Variants in CTIF observed in about 807,000 individuals in gnomAD.
CTIF encodes the protein CBP80/20-dependent translation initiation factor.
Under a neutral mutation model 66.0 loss-of-function variants are expected in CTIF, and 21 were observed. The ratio of observed to expected loss-of-function variants is 0.32; its 90% CI spans 0.23 to 0.46. The LOEUF (loss-of-function observed/expected upper bound fraction) is 0.46. Among genes scored for constraint, CTIF ranks in the 20% least tolerant of loss-of-function variants. The pLI, the probability that CTIF is intolerant of heterozygous loss-of-function variation, is 1.00. For synonymous variants in CTIF, 345 were observed against 326.4 expected (o/e 1.06, Z -0.62); for missense variants, 739 against 812.7 (o/e 0.91, Z 1.10).
At chr18:48,577,630 T>C (rs2089563325) in intron 1 of CTIF, among the ~76,000 whole-genome samples, 1 of 152,224 alleles carries the variant, frequency 6.6e-6, no homozygotes, top group African/African-American at 2.4e-5. Context: ...TGGAGTGCAG[T>C]AGTGCAATCA....
At chr18:48,565,185 C>T (rs1191390879) in intron 1 of CTIF, 1 of 152,190 alleles carries the variant, frequency 6.6e-6, no homozygotes, top group Non-Finnish European at 1.5e-5. Flanking sequence ...GATGTGGAGA[C>T]TTTGCAAGCT....
At chr18:48,737,871 T>C (rs921313677) in intron 7 of CTIF, among the ~76,000 whole-genome samples, 3 of 152,264 alleles carry the variant, frequency 2.0e-5, no homozygotes, top group African/African-American at 7.2e-5. Context: ...AGAAGTTAGA[T>C]TGATACAAAA....
chr18:48,539,676 G>T (rs1384795774), intron 1 of CTIF: 4 of 152,584 alleles, frequency 2.6e-5, no homozygotes, highest in African/African-American at 9.6e-5. Flanking sequence ...GGAGCTGCGC[G>T]GTGTAGCCGC....
intron 9 of CTIF, among the ~76,000 whole-genome samples, chr18:48,813,632 G>A (rs1206378958): frequency 2.0e-5 from 3 of 152,222 alleles, no homozygotes; most frequent in Non-Finnish European, 2.9e-5. Context: ...TATTTAGCAG[G>A]CATTCAATCT....
At chr18:48,746,131 C>T (rs571434932) in intron 7 of CTIF, among the ~76,000 whole-genome samples, 28 of 152,358 alleles carry the variant, frequency 1.8e-4, no homozygotes, top group East Asian at 5.8e-4. Context: ...GAAGCCCAAC[C>T]GGCTCCTCTG....
At chr18:48,790,282 T>A (rs2067763295) in intron 9 of CTIF, among the ~76,000 whole-genome samples, 2 of 152,138 alleles carry the variant, frequency 1.3e-5, no homozygotes, top group South Asian at 4.1e-4. Context: ...TCATCCAGGG[T>A]CACTTGGCTG....
At chr18:48,752,373 T>G (rs1258374566) in intron 7 of CTIF, among the ~76,000 whole-genome samples, 2 of 152,182 alleles carry the variant, frequency 1.3e-5, no homozygotes, top group African/African-American at 4.8e-5. Context: ...CTCTGGCAAT[T>G]ACAGGGCCCG....
chr18:48,689,309 G>A (rs759501451), intron 6 of CTIF, among the ~76,000 whole-genome samples: 16 of 152,196 alleles, frequency 1.1e-4, no homozygotes, highest in Non-Finnish European at 2.2e-4. Context: ...GTCTGATATT[G>A]TCATAAAAAT....
chr18:48,636,594 C>G lies in CTIF; in HGVS notation c.181-20C>G, dbSNP rs373130854. 3.3e-6 allele frequency: 5 copies of G among 1,510,858 alleles called. No homozygotes were observed. Among genetic ancestry groups the G allele is most frequent in the South Asian group, 2.7e-5 (2 of 73,614 alleles). The allele number at this position is 1,510,858 out of a possible 1,614,324, so 93.6% of individuals were successfully genotyped here. On this transcript the variant is annotated intron_variant, in intron 2 of 11. Coordinates refer to ENST00000256413, the MANE Select transcript of CTIF (RefSeq NM_014772.3). ...GCCTGGCTGTCCTGCCGTCACTGAT[C>G]GCTCCTTTCTGTTCTGCAGTGGACA...
At chr18:48,607,790 G>A (rs976813601) in intron 1 of CTIF, among the ~76,000 whole-genome samples, 1 of 152,180 alleles carries the variant, frequency 6.6e-6, no homozygotes, top group African/African-American at 2.4e-5. Flanking sequence ...AGGAGCTTGG[G>A]TATGCACAGC....
chr18:48,568,202 C>T (rs2089320268), intron 1 of CTIF: 1 of 152,084 alleles, frequency 6.6e-6, no homozygotes. Flanking sequence ...ACATTGGCTT[C>T]CTGTACCTAT....
At chr18:48,661,736 G>A (rs935623910) in intron 3 of CTIF, 2 of 152,210 alleles carry the variant, frequency 1.3e-5, no homozygotes, top group African/African-American at 4.8e-5. Context: ...GCAGGAGAGG[G>A]GATGGTAGCA....
At chr18:48,739,907 C>T (rs980901643) in intron 7 of CTIF, among the ~76,000 whole-genome samples, 1 of 152,232 alleles carries the variant, frequency 6.6e-6, no homozygotes, top group South Asian at 2.1e-4. Flanking sequence ...TGCAGTGGCC[C>T]AGGTGACCTT....
At chr18:48,852,753 G>A (rs905006457) in intron 10 of CTIF, among the ~76,000 whole-genome samples, 2 of 152,204 alleles carry the variant, frequency 1.3e-5, no homozygotes, top group East Asian at 1.9e-4. Flanking sequence ...TAGTGTACAC[G>A]TGTTGTATGG....
At position 48,841,771 on chromosome 18, in the gene CTIF, G is replaced by C. The variant is rs2068949039; in HGVS notation, c.1528-15817G>C. Among the ~76,000 whole-genome samples, 3 of 152,052 alleles carry C rather than the reference G, an allele frequency of 2.0e-5. No individual in the cohort carries two copies. In the South Asian group the frequency reaches 6.2e-4, roughly 32 times the overall value. ...CAGCCGGTGTTATCCCAGGGGTCCCGCACCTGGCTGATAAGGCCAGGCGGC... is the reference window on the plus strand; with the variant it reads ...CAGCCGGTGTTATCCCAGGGGTCCCCCACCTGGCTGATAAGGCCAGGCGGC... On this transcript the variant is annotated intron_variant, in intron 10 of 11. Coordinates refer to ENST00000256413, the MANE Select transcript of CTIF (RefSeq NM_014772.3).
intron 3 of CTIF, among the ~76,000 whole-genome samples, chr18:48,659,252 C>T (rs925874247): frequency 4.6e-5 from 7 of 152,110 alleles, no homozygotes; most frequent in Middle Eastern, 3.2e-3. Flanking sequence ...AGGTGTTGCC[C>T]TATACCTACT....
At chr18:48,586,480 A>C (rs533830789) in intron 1 of CTIF, among the ~76,000 whole-genome samples, 1 of 151,904 alleles carries the variant, frequency 6.6e-6, no homozygotes, top group Non-Finnish European at 1.5e-5. Flanking sequence ...CATGTTGGCC[A>C]GGCTGGTCTC....
chr18:48,700,471 G>A (rs776514421), intron 6 of CTIF, among the ~76,000 whole-genome samples: 4 of 152,186 alleles, frequency 2.6e-5, no homozygotes, highest in Non-Finnish European at 5.9e-5. Context: ...GTGAGGCCTT[G>A]GAGGCTTCCC....
Position 48,622,122 on chromosome 18 carries a change from G to A in CTIF, c.180+2377G>A, listed in dbSNP as rs563953442. Among the ~76,000 whole-genome samples the A allele has an allele frequency of 1.1e-4, 16 of 152,306 alleles. No homozygotes were observed. The South Asian group carries it at 2.3e-3, about 22-fold the overall frequency. ...AGGAGAGAGGGGTGAGGGAGGCACA[G>A]GAGTGATGATGGTGAGTCACCTGGA... On this transcript the variant is annotated intron_variant, in intron 2 of 11. Coordinates refer to ENST00000256413, the MANE Select transcript of CTIF (RefSeq NM_014772.3).
Sources: allele counts gnomAD v4.1 joint callset (sites outside exome capture counted in the v4.1 genomes callset), GRCh38; gene constraint gnomAD v4.1.1; transcripts MANE v1.5; gene names NCBI Gene and HGNC (gene_info 2026-07-23, HGNC 2026-07-21).